CHODL: variants seen among roughly 807,000 people sequenced by gnomAD.
CHODL encodes chondrolectin.
A neutral mutation model predicts 34.5 loss-of-function variants in CHODL; 29 were observed. The ratio of observed to expected loss-of-function variants is 0.84; its 90% confidence interval spans 0.63 to 1.15. The LOEUF is 1.15. Among genes scored for constraint, CHODL ranks in the 50% most tolerant of loss-of-function variants. CHODL has a pLI of 0.00. For missense variants in CHODL, 332 were observed against 332.5 expected, an observed-to-expected ratio of 1.00 and a Z score of 0.01; for synonymous variants, 125 against 116.1, an observed-to-expected ratio of 1.08 and a Z score of -0.49.
chr21:18,174,891 A>T (rs992174433), intron 2 of CHODL, among the ~76,000 whole-genome samples: 5 of 152,206 alleles, frequency 3.3e-5, no homozygotes, highest in Admixed American at 3.3e-4. Flanking sequence ...AGAGTAAATC[A>T]TTGTGGTTTA....
chr21:18,189,038 G>A (rs2824699), intron 2 of CHODL, among the ~76,000 whole-genome samples: 35,679 of 151,970 alleles, frequency 0.23, 6,140 homozygotes, highest in African/African-American at 0.49. Context: ...AATGGTTTTT[G>A]CAAAGTCATA....
At chr21:18,067,245 G>T (rs1279901850) in intron 2 of CHODL, among the ~76,000 whole-genome samples, 1 of 152,142 alleles carries the variant, frequency 6.6e-6, no homozygotes, top group African/African-American at 2.4e-5. Flanking sequence ...CTCCAAAAAG[G>T]TATGTTGAAA....
chr21:18,097,531 C>A (rs1274990415), intron 2 of CHODL, among the ~76,000 whole-genome samples: 1 of 151,816 alleles, frequency 6.6e-6, no homozygotes, highest in East Asian at 1.9e-4. Flanking sequence ...AAGATCTTTA[C>A]AAATGAAACG....
intron 2 of CHODL, among the ~76,000 whole-genome samples, chr21:18,086,211 C>A (rs1009168573): frequency 3.3e-5 from 5 of 151,420 alleles, no homozygotes; most frequent in African/African-American, 1.2e-4. Flanking sequence ...TTTTGTTTTC[C>A]TAAAGTTATC....
At chr21:18,210,809 C>G (rs2073764788) in intron 2 of CHODL, among the ~76,000 whole-genome samples, 1 of 152,198 alleles carries the variant, frequency 6.6e-6, no homozygotes, top group Non-Finnish European at 1.5e-5. Context: ...AGTCTTATTT[C>G]AACACAGTAG....
chr21:18,262,930 C>T lies in CHODL; in HGVS notation c.737+37C>T, dbSNP rs780600703. The T allele has an allele frequency of 1.0e-5, 12 of 1,144,900 alleles. No individual in the cohort carries two copies. In the South Asian group the frequency reaches 1.6e-4, roughly 15 times the overall value. 70.9% of individuals were successfully genotyped at this position (1,144,900 alleles called of 1,614,324 possible). A position where few individuals can be genotyped will look rare whatever the true frequency, so the allele number is the denominator to read the frequency against. On this transcript the variant is annotated intron_variant, in intron 5 of 5. Transcript: ENST00000299295. ...ATATATGTAGAGACAATTTGAAAAACTTTAAATAGGTTTTCAGAAATGTTT... is the reference window on the plus strand; with the variant it reads ...ATATATGTAGAGACAATTTGAAAAATTTTAAATAGGTTTTCAGAAATGTTT...
At chr21:17,959,986 G>A (rs970261245) in intron 1 of CHODL, among the ~76,000 whole-genome samples, 14 of 152,148 alleles carry the variant, frequency 9.2e-5, no homozygotes, top group African/African-American at 3.1e-4. Flanking sequence ...GGGCATTGGT[G>A]AACAGTGCGG....
chr21:17,932,926 G>A (rs965409773), intron 1 of CHODL, among the ~76,000 whole-genome samples: 11 of 152,292 alleles, frequency 7.2e-5, no homozygotes, highest in Non-Finnish European at 1.3e-4. Context: ...CGGAGAGGGG[G>A]ATGTGGCAGG....
chr21:17,936,805 G>A (rs973072679), intron 1 of CHODL, among the ~76,000 whole-genome samples: 1 of 152,208 alleles, frequency 6.6e-6, no homozygotes, highest in East Asian at 1.9e-4. Flanking sequence ...GCCGGGCGTG[G>A]TGGCTCACGC....
intron 2 of CHODL, among the ~76,000 whole-genome samples, chr21:18,232,236 G>A (rs370786605): frequency 1.3e-4 from 19 of 151,438 alleles, no homozygotes; most frequent in Non-Finnish European, 1.2e-4. Flanking sequence ...CATCATTTTC[G>A]ATGTGCTAAT....
At chr21:18,034,825 T>A (rs1163964284) in intron 2 of CHODL, among the ~76,000 whole-genome samples, 2 of 151,982 alleles carry the variant, frequency 1.3e-5, no homozygotes, top group Non-Finnish European at 2.9e-5. Flanking sequence ...ACCAGTAACA[T>A]GAAAATTTGA....
intron 2 of CHODL, among the ~76,000 whole-genome samples, chr21:18,174,129 A>ATATATATATATCTTGG (rs2073267906): frequency 7.1e-4 from 8 of 11,324 alleles, no homozygotes; most frequent in Admixed American, 1.5e-3. Context: ...TGGTGTATAT[A>ATATATATATATCTTGG]TATATATATA....
intron 2 of CHODL, among the ~76,000 whole-genome samples, chr21:18,225,878 A>G (rs1052712787): frequency 1.3e-5 from 2 of 152,142 alleles, no homozygotes; most frequent in African/African-American, 4.8e-5. Context: ...CAAATTAAAT[A>G]AAAAACATAC....
intron 1 of CHODL, among the ~76,000 whole-genome samples, chr21:18,255,613 T>C (rs2074306088): frequency 6.6e-6 from 1 of 152,208 alleles, no homozygotes; most frequent in East Asian, 1.9e-4. Flanking sequence ...ACAACAACCA[T>C]TGATAAGATT....
intron 2 of CHODL, among the ~76,000 whole-genome samples, chr21:18,091,125 G>A (rs1017591752): frequency 7.9e-5 from 12 of 152,210 alleles, no homozygotes; most frequent in African/African-American, 2.9e-4. Context: ...GCTTGGCTTA[G>A]CCAGTCCCCA....
intron 2 of CHODL, among the ~76,000 whole-genome samples, chr21:18,070,742 C>T (rs754079539): frequency 2.0e-5 from 3 of 152,068 alleles, no homozygotes; most frequent in East Asian, 1.9e-4. Flanking sequence ...TTACATACCC[C>T]GTCCTCCACA....
Position 18,256,767 on chromosome 21 carries a change from G to A in CHODL, c.338G>A (p.Gly113Asp), listed in dbSNP as rs2074321333. 1 of 1,614,088 alleles carries A rather than the reference G, an allele frequency of 6.2e-7. No individual in the cohort carries two copies. The highest frequency in any genetic ancestry group is 8.5e-7 in the Non-Finnish European group (1 of 1,179,972). The change falls in exon 2 of 6, where the codon GGT becomes GAT. Residue 113 changes from glycine to aspartate, a missense_variant. Gly to Asp is a moderately conservative substitution (Grantham distance 94). Coordinates refer to ENST00000299295, the MANE Select transcript of CHODL (RefSeq NM_024944.3). Reference protein sequence around the residue: ...LWRNGDGQTSGACPDLYQWSD... With the variant: ...LWRNGDGQTSDACPDLYQWSD... ...AGGAATGGAGATGGGCAAACATCTG[G>A]TGCCTGCCCAGATCTCTACCAGTGG...
At chr21:18,099,558 A>C (rs2065185453) in intron 2 of CHODL, among the ~76,000 whole-genome samples, 1 of 152,078 alleles carries the variant, frequency 6.6e-6, no homozygotes, top group Admixed American at 6.6e-5. Context: ...ATAAAAAGAT[A>C]GTCCTAAATC....
intron 2 of CHODL, among the ~76,000 whole-genome samples, chr21:18,039,744 T>C (rs1222722542): frequency 3.3e-5 from 5 of 151,748 alleles, no homozygotes; most frequent in Non-Finnish European, 5.9e-5. Flanking sequence ...ATGTAACTCA[T>C]CTTGATGCTA....
Sources: gnomAD v4.1 joint callset for allele counts (sites outside exome capture counted in the v4.1 genomes callset) on GRCh38, gnomAD v4.1.1 for gene constraint, MANE v1.5 for transcripts, NCBI Gene and HGNC (gene_info 2026-07-23, HGNC 2026-07-21) for gene names.